The following MPP3 variants were observed in gnomAD, a reference collection of about 807,000 sequenced individuals.
MPP3 encodes the protein MAGUK p55 subfamily member 3.
Under a neutral mutation model 80.7 loss-of-function variants are expected in MPP3, and 48 were observed. The observed-to-expected ratio is 0.59, with a 90% confidence interval of 0.47 to 0.76. The LOEUF is 0.76. MPP3 is among the 30% of genes least tolerant of loss of function. The pLI, the probability that MPP3 is intolerant of heterozygous loss-of-function variation, is 0.00. For missense variants in MPP3, 620 were observed against 763.0 expected (o/e 0.81, Z 2.21); for synonymous variants, 311 against 297.6 (o/e 1.04, Z -0.46).
intron 10 of MPP3, among the ~76,000 whole-genome samples, chr17:43,822,678 T>TAAA (rs56125167): frequency 8.5e-5 from 5 of 59,070 alleles, no homozygotes; most frequent in East Asian, 5.8e-4. Flanking sequence ...ACTCCCATCC[T>TAAA]AAAAAAAAAA....
In MPP3 at chr17:43,806,446, G is replaced by A. The variant is rs191317874; in HGVS notation, c.1581+2510C>T. Among the ~76,000 whole-genome samples, 684 of 152,192 alleles carry A rather than the reference G, an allele frequency of 4.5e-3. 3 individuals carry two copies. Among genetic ancestry groups the A allele is most frequent in the African/African-American group, 0.016 (649 of 41,502 alleles). The stretch of plus-strand genomic sequence containing the variant: ...CTCCCAAAGTGCTGGGATTACAGGC[G>A]TGAGCCACCACTCCCGGCCCCAACA... On this transcript the variant is annotated intron_variant, in intron 19 of 19. Coordinates refer to ENST00000398389, the MANE Select transcript of MPP3 (RefSeq NM_001932.6).
intron 2 of MPP3, 60 bp from the exon 3 acceptor site, chr17:43,832,003 C>G (rs2045989474): frequency 9.5e-7 from 1 of 1,050,634 alleles, no homozygotes; most frequent in African/African-American, 1.6e-5. Context: ...ATTGAACAAA[C>G]TGACTACACA....
chr17:43,814,522 CAAT>C (rs1004256122), intron 14 of MPP3, 161 bp from the exon 15 acceptor site: 5 of 633,100 alleles, frequency 7.9e-6, no homozygotes, highest in African/African-American at 1.8e-5. Flanking sequence ...TCAGGAAATA[CAAT>C]AATAAGATGA....
At chr17:43,808,684 G>A (rs747701852) in intron 19 of MPP3, among the ~76,000 whole-genome samples, 1 of 152,266 alleles carries the variant, frequency 6.6e-6, no homozygotes, top group Non-Finnish European at 1.5e-5. Context: ...ACATTTTGCG[G>A]GAGGGCGCTT....
chr17:43,821,713 G>A (rs973347306), intron 10 of MPP3, among the ~76,000 whole-genome samples: 3 of 152,076 alleles, frequency 2.0e-5, no homozygotes, highest in African/African-American at 4.8e-5. Flanking sequence ...TGTTCTCTTC[G>A]ATAATTTAGT....
chr17:43,826,832 T>TATATATATATATATATATATATA (rs1567824060), intron 8 of MPP3, among the ~76,000 whole-genome samples: 14 of 110,752 alleles, frequency 1.3e-4, no homozygotes, highest in African/African-American at 5.3e-4. Flanking sequence ...ATATATATAT[T>TATATATATATATATATATATATA]TTTTTTTTTT....
chr17:43,823,998 G>T lies in MPP3; in HGVS notation c.617C>A (p.Ser206Tyr), dbSNP rs189143886. 6.5e-3 allele frequency: 10,450 copies of T among 1,606,754 alleles called. 53 individuals are homozygous for T. The highest frequency in any genetic ancestry group is 7.9e-3 in the Non-Finnish European group (9,276 of 1,176,496). ...GATTTTTAGGGTGATGGATCCCTGG[G>T]ACTGGGCCTGAAACGAAAGAGAACA... Reference protein sequence around the residue: ...PDEISQILAQSQGSITLKIIP... With the variant: ...PDEISQILAQYQGSITLKIIP... Residue 206 changes from serine (S) to tyrosine (Y), a missense_variant, in exon 10 of 20, where the codon TCC (serine) becomes TAC (tyrosine). By Grantham distance (144) the Ser-to-Tyr change is moderately radical. Coordinates refer to ENST00000398389, the MANE Select transcript of MPP3 (RefSeq NM_001932.6).
intron 19 of MPP3, among the ~76,000 whole-genome samples, chr17:43,802,176 A>G (rs17674998): frequency 0.19 from 29,334 of 152,176 alleles, 2,993 homozygotes; most frequent in Non-Finnish European, 0.21. Context: ...TGCTGATTCT[A>G]TAACTGTGTA....
chr17:43,815,069 C>T (rs761407127), intron 14 of MPP3, among the ~76,000 whole-genome samples: 4 of 152,226 alleles, frequency 2.6e-5, no homozygotes, highest in Admixed American at 1.3e-4. Flanking sequence ...TGCAGTGGCT[C>T]ATGCCTGTAT....
In MPP3 at chr17:43,801,758, C is replaced by A. The variant is rs2044416195; in HGVS notation, c.1701G>T (p.Val567=). 2 of 1,613,986 alleles carry A rather than the reference C, an allele frequency of 1.2e-6. No homozygotes were observed. The highest frequency in any genetic ancestry group is 1.7e-5 in the Admixed American group (1 of 59,992). ...DLQGAYSQLK[V]VLEKLSKDTH... ...TGTCCTTGCTCAGCTTCTCTAAGAC[C>A]ACTTTGAGCTGGCTGTAGGCACCCT... The change falls in exon 20 of 20, where the codon GTG becomes GTT. Residue 567 remains valine (V), a synonymous_variant. Coordinates refer to ENST00000398389, the MANE Select transcript of MPP3 (RefSeq NM_001932.6).
chr17:43,814,821 C>A (rs2045036531), intron 14 of MPP3, among the ~76,000 whole-genome samples: 1 of 152,116 alleles, frequency 6.6e-6, no homozygotes, highest in African/African-American at 2.4e-5. Context: ...CTGAGAAAGT[C>A]CTTGGCCTTA....
At chr17:43,807,116 C>T (rs2044652377) in intron 19 of MPP3, among the ~76,000 whole-genome samples, 3 of 151,552 alleles carry the variant, frequency 2.0e-5, no homozygotes, top group Admixed American at 1.3e-4. Context: ...GGATTACAGG[C>T]ATGCACCACC....
At chr17:43,830,256 C>T (rs1178742532) in intron 5 of MPP3, 149 bp from the exon 6 acceptor site, 2 of 517,390 alleles carry the variant, frequency 3.9e-6, no homozygotes, top group Non-Finnish European at 6.6e-6. Context: ...ATCCTGGGAA[C>T]ATCACACCAG....
intron 12 of MPP3, 126 bp downstream of exon 12, chr17:43,817,920 G>T: frequency 1.6e-6 from 1 of 625,884 alleles, no homozygotes. Flanking sequence ...TTCCTCTGGA[G>T]TCCATGAGCT....
chr17:43,831,895 T>C lies in MPP3; in HGVS notation c.12A>G (p.Leu4=), dbSNP rs780164643. 4 of 1,611,988 alleles carry C rather than the reference T, an allele frequency of 2.5e-6. No individual in the cohort carries two copies. Among genetic ancestry groups the C allele is most frequent in the Non-Finnish European group, 3.4e-6 (4 of 1,179,414 alleles). The stretch of plus-strand genomic sequence containing the variant: ...GGAGGTACTTACCAGAGTCCTCCGA[T>C]AGCACTGGCATGCTGGCGTTGTCAC... MPV[L]SEDSGLHETL... The change falls in exon 3 of 20, where the codon CTA becomes CTG. Residue 4 remains leucine (L), a synonymous_variant. Transcript: ENST00000398389.
In MPP3 at chr17:43,821,500, G is replaced by A. The variant is rs2045459967; in HGVS notation, c.685-442C>T. Among the ~76,000 whole-genome samples, 3 of 152,312 alleles carry A rather than the reference G, an allele frequency of 2.0e-5. No homozygotes were observed. The South Asian group carries it at 6.2e-4, about 32-fold the overall frequency. On this transcript the variant is annotated intron_variant, in intron 10 of 19. Transcript: ENST00000398389. The stretch of plus-strand genomic sequence containing the variant: ...TGTTATATAAGTAATCTAGATGTTT[G>A]GGTAAGAACACAAATATCAACAAAA...
intron 10 of MPP3, among the ~76,000 whole-genome samples, chr17:43,822,295 C>T (rs1424178214): frequency 6.6e-6 from 1 of 152,210 alleles, no homozygotes. Flanking sequence ...AATCCACATT[C>T]TTCAAAGTAT....
rs1342995398 is a variant in MPP3 at position 43,800,843 on chromosome 17, A to G, written c.*858T>C. On this transcript the variant is annotated 3_prime_UTR_variant, in exon 20 of 20. Coordinates refer to ENST00000398389, the MANE Select transcript of MPP3 (RefSeq NM_001932.6). ...CTACATACTTTTATTCTTGACAGAA[A>G]TGGTTTACAGTGACGTAGCCATAGT... 1 of 152,192 alleles carries G rather than the reference A, an allele frequency of 6.6e-6. No homozygotes were observed. The highest frequency in any genetic ancestry group is 2.4e-5 in the African/African-American group (1 of 41,442). The allele number at this position is 152,192 out of a possible 1,614,324, so 9.4% of individuals were successfully genotyped here.
chr17:43,810,830 A>T lies in MPP3; in HGVS notation c.1435T>A (p.Cys479Ser). The T allele has an allele frequency of 6.2e-7, 1 of 1,608,758 alleles. No individual in the cohort carries two copies. The highest frequency in any genetic ancestry group is 8.5e-7 in the Non-Finnish European group (1 of 1,178,618). The change falls in exon 18 of 20, where the codon TGT (cysteine) becomes AGT (serine). Residue 479 changes from cysteine to serine, a missense_variant. Coordinates refer to ENST00000398389, the MANE Select transcript of MPP3 (RefSeq NM_001932.6). ...IQAVMAKNKV[C>S]LVDVEPEALK... ...ACTTCTGGCTCCACATCCACCAAAC[A>T]AACTTTGTTTTTGGCCATAACAGCC...
Sources: gnomAD v4.1 joint callset for allele counts (sites outside exome capture counted in the v4.1 genomes callset) on GRCh38, gnomAD v4.1.1 for gene constraint, MANE v1.5 for transcripts, NCBI Gene and HGNC (gene_info 2026-07-23, HGNC 2026-07-21) for gene names.